The following FARP1 variants were observed in gnomAD, a reference collection of about 807,000 sequenced individuals.
The protein encoded by FARP1 is FERM, ARHGEF and pleckstrin domain-containing protein 1.
In FARP1, 52 loss-of-function variants were observed where a neutral mutation model predicts 128.8. The ratio of observed to expected loss-of-function variants is 0.40; its 90% CI spans 0.32 to 0.51. The LOEUF (loss-of-function observed/expected upper bound fraction) is 0.51, where lower values mean the gene tolerates loss of function less well. Among genes scored for constraint, FARP1 ranks in the 20% least tolerant of loss-of-function variants. The pLI, the probability that FARP1 is intolerant of heterozygous loss-of-function variation, is 0.45. For missense variants in FARP1, 1,333 were observed against 1,367.9 expected (o/e 0.97, Z 0.40); for synonymous variants, 580 against 551.8 (o/e 1.05, Z -0.72).
chr13:98,417,013 C>A (rs948846724), intron 16 of FARP1, among the ~76,000 whole-genome samples: 7 of 151,976 alleles, frequency 4.6e-5, no homozygotes, highest in Non-Finnish European at 5.9e-5. Flanking sequence ...GACTGAATGT[C>A]GAGATATCAC....
At chr13:98,428,364 CCAAG>C (rs1343956178) in intron 17 of FARP1, among the ~76,000 whole-genome samples, 2 of 152,162 alleles carry the variant, frequency 1.3e-5, no homozygotes, top group African/African-American at 4.8e-5. Context: ...GCCTGTCTCT[CCAAG>C]CTTCTACCAC....
intron 2 of FARP1, among the ~76,000 whole-genome samples, chr13:98,316,930 C>T (rs897990745): frequency 6.6e-6 from 1 of 152,178 alleles, no homozygotes; most frequent in Non-Finnish European, 1.5e-5. Context: ...TACACGTTCT[C>T]AGTAGGTTAG....
At chr13:98,299,911 G>C (rs1885852203) in intron 2 of FARP1, among the ~76,000 whole-genome samples, 2 of 152,148 alleles carry the variant, frequency 1.3e-5, no homozygotes, top group Admixed American at 1.3e-4. Context: ...CTGCCTCCCA[G>C]ATGATCTGCT....
intron 3 of FARP1, among the ~76,000 whole-genome samples, chr13:98,345,104 G>A (rs886187893): frequency 3.3e-5 from 5 of 152,142 alleles, no homozygotes; most frequent in East Asian, 1.9e-4. Flanking sequence ...CAAGTTATGC[G>A]GAATATTGTT....
intron 1 of FARP1, among the ~76,000 whole-genome samples, chr13:98,201,035 C>T (rs542248316): frequency 2.6e-5 from 4 of 152,282 alleles, no homozygotes; most frequent in African/African-American, 9.6e-5. Context: ...GTGTTGGGGA[C>T]ATTCCAATTC....
Position 98,176,562 on chromosome 13 carries a change from C to G in FARP1, c.-24+33070C>G. 6.2e-7 allele frequency: 1 copy of G among 1,614,220 alleles called. No homozygotes were observed. The highest frequency in any genetic ancestry group is 8.5e-7 in the Non-Finnish European group (1 of 1,180,034). ...GACCCTCTTCAAGCTCCCGTTCAAT[C>G]TCCCACCCGAGCTTGTAATCGGAAC... On this transcript the variant is annotated intron_variant, in intron 1 of 26. Coordinates refer to ENST00000319562, the MANE Select transcript of FARP1 (RefSeq NM_005766.4). This position sits in a 1 kb window ranked among gnomAD's most constrained non-coding sequence, Gnocchi z 6.2.
intron 12 of FARP1, 115 bp downstream of exon 12, chr13:98,393,833 C>G: frequency 1.3e-6 from 1 of 775,342 alleles, no homozygotes; most frequent in East Asian, 2.7e-5. Flanking sequence ...GGGTTTTTAG[C>G]AGATGAGAAT....
In FARP1 at chr13:98,440,822, A is replaced by G; in HGVS notation, c.2782A>G (p.Ser928Gly). The part of the protein sequence containing the change: ...RNTSVSMVDF[S>G]IAVENQLSGN... ...CACCAGCGTCTCCATGGTGGACTTC[A>G]GCATCGCAGTGGAGGTACGCAGGGG... Residue 928 changes from serine (S) to glycine (G), a missense_variant, in exon 24 of 27, where the codon AGC (serine) becomes GGC (glycine). Coordinates refer to ENST00000319562, the MANE Select transcript of FARP1 (RefSeq NM_005766.4). 6.2e-7 allele frequency: 1 copy of G among 1,608,688 alleles called. No homozygotes were observed. The highest frequency in any genetic ancestry group is 8.5e-7 in the Non-Finnish European group (1 of 1,178,308).
intron 2 of FARP1, among the ~76,000 whole-genome samples, chr13:98,327,004 C>G (rs529183202): frequency 6.6e-6 from 1 of 152,172 alleles, no homozygotes; most frequent in East Asian, 1.9e-4. Flanking sequence ...AATGAGTACA[C>G]GCAATTGGTA....
intron 16 of FARP1, among the ~76,000 whole-genome samples, chr13:98,420,062 C>G (rs1180336280): frequency 6.6e-6 from 1 of 152,132 alleles, no homozygotes; most frequent in Non-Finnish European, 1.5e-5. Flanking sequence ...AGAGGGAGCC[C>G]GCACCCTAGG....
intron 1 of FARP1, among the ~76,000 whole-genome samples, chr13:98,149,869 C>G (rs1875859194): frequency 1.3e-5 from 2 of 149,468 alleles, no homozygotes; most frequent in African/African-American, 4.9e-5. Context: ...TCCCGAGTAG[C>G]TGGGTCTACA....
chr13:98,373,533 GACACACACACAC>G (rs58658962), intron 5 of FARP1, among the ~76,000 whole-genome samples: 120 of 131,070 alleles, frequency 9.2e-4, no homozygotes, highest in African/African-American at 1.9e-3. Context: ...CAGACAGACA[GACACACACACAC>G]ACACACACAC....
intron 2 of FARP1, among the ~76,000 whole-genome samples, chr13:98,295,046 T>TACACACACACAC (rs746373395): frequency 1.8e-5 from 2 of 108,368 alleles, no homozygotes; most frequent in Admixed American, 2.1e-4. Flanking sequence ...ATATATATAT[T>TACACACACACAC]ACACACACAC....
intron 13 of FARP1, chr13:98,405,444 T>A (rs1890936070): frequency 6.6e-6 from 1 of 152,202 alleles, no homozygotes. Context: ...CCTTGAGAGC[T>A]GTATGACTGG....
At chr13:98,162,364 T>C (rs1319643613) in intron 1 of FARP1, among the ~76,000 whole-genome samples, 1 of 152,168 alleles carries the variant, frequency 6.6e-6, no homozygotes, top group Non-Finnish European at 1.5e-5. Context: ...TGCCTTCTCA[T>C]CGATGTGCAG....
At chr13:98,376,916 T>G (rs888678168) in intron 5 of FARP1, among the ~76,000 whole-genome samples, 4 of 152,296 alleles carry the variant, frequency 2.6e-5, no homozygotes, top group South Asian at 2.1e-4. Flanking sequence ...TAAGCCTGTT[T>G]GCTGTTGCAC....
intron 1 of FARP1, among the ~76,000 whole-genome samples, chr13:98,177,519 C>T (rs1265073413): frequency 2.6e-5 from 4 of 151,866 alleles, no homozygotes; most frequent in Non-Finnish European, 2.9e-5. Context: ...TGGTGGCGTG[C>T]GCCTGAAGTC....
intron 2 of FARP1, among the ~76,000 whole-genome samples, chr13:98,291,851 G>A (rs1398680354): frequency 6.6e-6 from 1 of 152,248 alleles, no homozygotes. Flanking sequence ...ACAGCACCAA[G>A]TTGACACCAT....
chr13:98,425,312 G>C (rs1944738230), intron 17 of FARP1: 1 of 151,878 alleles, frequency 6.6e-6, no homozygotes. Flanking sequence ...ATTCAGAGCT[G>C]TGTAGGTATT....
Sources: gnomAD v4.1 joint callset for allele counts (sites outside exome capture counted in the v4.1 genomes callset) on GRCh38, gnomAD v4.1.1 for gene constraint, Gnocchi (gnomAD v3.1) non-coding constraint, MANE v1.5 for transcripts, NCBI Gene and HGNC (gene_info 2026-07-23, HGNC 2026-07-21) for gene names.